SSBP3: variants seen among roughly 807,000 people sequenced by gnomAD.
SSBP3 encodes single stranded DNA binding protein 3.
Under a neutral mutation model 69.6 loss-of-function variants are expected in SSBP3, and 5 were observed. The ratio of observed to expected loss-of-function variants is 0.07; its 90% CI spans 0.04 to 0.15. SSBP3 has a LOEUF of 0.15. Among genes scored for constraint, SSBP3 ranks in the 10% least tolerant of loss-of-function variants. The pLI, the probability that SSBP3 is intolerant of heterozygous loss-of-function variation, is 1.00. For synonymous variants in SSBP3, 196 were observed against 193.4 expected, an observed-to-expected ratio of 1.01 and a Z score of -0.11; for missense variants, 312 against 534.0, an observed-to-expected ratio of 0.58 and a Z score of 4.10.
Position 54,411,675 on chromosome 1 carries a change from G to A in SSBP3, c.-275+1681C>T, listed in dbSNP as rs1034495424. Among the ~76,000 whole-genome samples, 11 of 151,906 alleles carry A rather than the reference G, an allele frequency of 7.2e-5. 1 individual carries two copies. In the East Asian group the frequency reaches 2.1e-3, roughly 30 times the overall value. ...GTGGAGGCCGAGGCAGGCAGATCGC[G>A]AGGTCAGGAAATCGAGACCATCCTG... is the stretch of plus-strand genomic sequence containing the variant. On this transcript the variant is annotated intron_variant, in intron 1 of 8. Coordinates refer to the SSBP3 transcript ENST00000525990.
At chr1:54,329,393 T>C (rs1646368161) in intron 4 of SSBP3, among the ~76,000 whole-genome samples, 1 of 152,358 alleles carries the variant, frequency 6.6e-6, no homozygotes, top group Non-Finnish European at 1.5e-5. Flanking sequence ...AACCTCTTCC[T>C]TTCTTCCTTC....
intron 14 of SSBP3, among the ~76,000 whole-genome samples, chr1:54,233,870 C>T (rs533863047): frequency 1.4e-4 from 21 of 152,308 alleles, no homozygotes; most frequent in African/African-American, 3.6e-4. Context: ...TCACTGAGAA[C>T]GGGCCAGGAT....
intron 9 of SSBP3, among the ~76,000 whole-genome samples, chr1:54,250,814 G>A (rs866320283): frequency 6.6e-6 from 1 of 152,186 alleles, no homozygotes; most frequent in African/African-American, 2.4e-5. Flanking sequence ...CACCCAGAGG[G>A]CTGGGGGTAA....
intron 5 of SSBP3, among the ~76,000 whole-genome samples, chr1:54,269,499 C>T (rs986684767): frequency 4.6e-5 from 7 of 152,258 alleles, no homozygotes; most frequent in Admixed American, 4.6e-4. Flanking sequence ...ACCTTTTCTA[C>T]AGCTCCAGAG....
chr1:54,273,753 A>G (rs954106666), intron 5 of SSBP3, among the ~76,000 whole-genome samples: 1 of 152,208 alleles, frequency 6.6e-6, no homozygotes, highest in Non-Finnish European at 1.5e-5. Context: ...ACACACAGGA[A>G]TTTGGCAGCA....
chr1:54,367,636 G>A (rs1557569021), intron 4 of SSBP3, among the ~76,000 whole-genome samples: 1 of 152,208 alleles, frequency 6.6e-6, no homozygotes, highest in Non-Finnish European at 1.5e-5. Context: ...CTTCTCTGAT[G>A]TCCCAGAGAC....
At chr1:54,238,069 G>A (rs561062213) in intron 14 of SSBP3, 4 of 450,596 alleles carry the variant, frequency 8.9e-6, no homozygotes, top group East Asian at 1.4e-4. Context: ...TCCTCAGGAT[G>A]TGGGGCTTTT....
chr1:54,256,246 G>A (rs890807781), intron 7 of SSBP3, among the ~76,000 whole-genome samples: 4 of 152,192 alleles, frequency 2.6e-5, no homozygotes, highest in African/African-American at 9.7e-5. Context: ...AACAAGGGCT[G>A]GATGTGCTGG....
At chr1:54,291,834 G>A (rs1645614011) in intron 4 of SSBP3, among the ~76,000 whole-genome samples, 1 of 152,246 alleles carries the variant, frequency 6.6e-6, no homozygotes, top group South Asian at 2.1e-4. Context: ...TCCACGCCCA[G>A]CTGTCAGGCA....
chr1:54,339,711 G>C (rs1490451556), intron 4 of SSBP3, among the ~76,000 whole-genome samples: 1 of 152,008 alleles, frequency 6.6e-6, no homozygotes, highest in Non-Finnish European at 1.5e-5. Context: ...TCAGGAGTTC[G>C]AGACCAGCCT....
chr1:54,266,970 C>A (rs146683020), intron 5 of SSBP3, among the ~76,000 whole-genome samples: 13 of 152,370 alleles, frequency 8.5e-5, no homozygotes, highest in Admixed American at 3.9e-4. Context: ...TCATTCTTGC[C>A]ACAATGCTGG....
chr1:54,362,904 G>A (rs1646972010), intron 4 of SSBP3, among the ~76,000 whole-genome samples: 1 of 152,116 alleles, frequency 6.6e-6, no homozygotes. Flanking sequence ...GCTGGGTGCT[G>A]CCCAGGAGTT....
At chr1:54,395,022 T>C (rs1391606573) in intron 4 of SSBP3, among the ~76,000 whole-genome samples, 1 of 151,892 alleles carries the variant, frequency 6.6e-6, no homozygotes, top group Non-Finnish European at 1.5e-5. Context: ...TTTTTTTTTT[T>C]TATTGTATGT....
At position 54,257,202 on chromosome 1, in the gene SSBP3, A is replaced by C; in HGVS notation, c.448-16T>G. The C allele has an allele frequency of 6.3e-7, 1 of 1,589,470 alleles. No individual in the cohort carries two copies. Among genetic ancestry groups the C allele is most frequent in the Non-Finnish European group, 8.5e-7 (1 of 1,170,744 alleles). ...ACATAAAAGGCTGCAATTATAGGTAATTAGTTCAATGACAGCCTGCCCTAC... is the reference window on the plus strand; with the variant it reads ...ACATAAAAGGCTGCAATTATAGGTACTTAGTTCAATGACAGCCTGCCCTAC... On this transcript the variant is annotated splice_polypyrimidine_tract_variant and intron_variant, in intron 6 of 17. Coordinates refer to ENST00000610401, the Ensembl canonical transcript of SSBP3.
At chr1:54,390,903 G>A (rs1237375038) in intron 4 of SSBP3, among the ~76,000 whole-genome samples, 1 of 152,216 alleles carries the variant, frequency 6.6e-6, no homozygotes, top group Non-Finnish European at 1.5e-5. Flanking sequence ...TCTAAAAGCC[G>A]GCGAGCAGAG....
At chr1:54,389,810 C>G (rs1261274585) in intron 4 of SSBP3, among the ~76,000 whole-genome samples, 1 of 152,022 alleles carries the variant, frequency 6.6e-6, no homozygotes, top group African/African-American at 2.4e-5. Context: ...CCTGGGGAAG[C>G]TGAGGCTGCA....
At chr1:54,313,411 T>A (rs2100299669) in intron 4 of SSBP3, among the ~76,000 whole-genome samples, 1 of 147,638 alleles carries the variant, frequency 6.8e-6, no homozygotes. Flanking sequence ...CTAGGGGGGC[T>A]CACACCGAAG....
rs200650437 is a variant in SSBP3 at position 54,253,187 on chromosome 1, T to G, written c.508-1327A>C. Among the ~76,000 whole-genome samples, 8 of 118,276 alleles carry G rather than the reference T, an allele frequency of 6.8e-5. No homozygotes were observed. The South Asian group carries it at 2.2e-3, about 32-fold the overall frequency. The allele number at this position is 118,276 out of a possible 152,430, so 77.6% of individuals were successfully genotyped here. Reference sequence around the variant, plus strand: ...GTATTTGTTTTTGTTTTTTTTTTAGTTTTTGTTTTTTTTTTTTTTTAAGAC... The same window carrying G: ...GTATTTGTTTTTGTTTTTTTTTTAGGTTTTGTTTTTTTTTTTTTTTAAGAC... On this transcript the variant is annotated intron_variant, in intron 7 of 17. Transcript: ENST00000610401.
At chr1:54,226,539 A>T (rs1241047473) in exon 18 of SSBP3, 2 of 153,584 alleles carry the variant, frequency 1.3e-5, no homozygotes, top group East Asian at 3.9e-4. Context: ...TGTCCAGTTT[A>T]TTATTATTAT....
Sources: gnomAD v4.1 joint callset for allele counts (sites outside exome capture counted in the v4.1 genomes callset) on GRCh38, gnomAD v4.1.1 for gene constraint, MANE v1.5 for transcripts, NCBI Gene and HGNC (gene_info 2026-07-23, HGNC 2026-07-21) for gene names.